GRM7: variants seen among roughly 807,000 people sequenced by gnomAD.
GRM7 encodes the protein glutamate metabotropic receptor 7, also known as metabotropic glutamate receptor 7.
GRM7 carries 35 observed loss-of-function variants against 84.5 expected under a neutral mutation model. That is an observed-to-expected ratio of 0.41 (90% CI 0.32 to 0.55). The LOEUF is 0.55. Among genes scored for constraint, GRM7 ranks in the 20% least tolerant of loss-of-function variants. The pLI, the probability that GRM7 is intolerant of heterozygous loss-of-function variation, is 0.19. For synonymous variants in GRM7, 487 were observed against 455.1 expected, an observed-to-expected ratio of 1.07 and a Z score of -0.89; for missense variants, 1,003 against 1,194.6, an observed-to-expected ratio of 0.84 and a Z score of 2.36.
chr3:7,504,499 A>G (rs113753802), intron 7 of GRM7, among the ~76,000 whole-genome samples: 1 of 152,348 alleles, frequency 6.6e-6, no homozygotes, highest in African/African-American at 2.4e-5. Flanking sequence ...AAAGAAGTTT[A>G]TTTAGCTCAC....
chr3:6,890,832 T>A (rs1466415257), intron 1 of GRM7, among the ~76,000 whole-genome samples: 1 of 152,094 alleles, frequency 6.6e-6, no homozygotes, highest in Non-Finnish European at 1.5e-5. Flanking sequence ...GACAGTGGGG[T>A]GTTAAAGTCT....
intron 1 of GRM7, among the ~76,000 whole-genome samples, chr3:6,963,108 A>C (rs1693365026): frequency 1.3e-5 from 2 of 152,256 alleles, no homozygotes; most frequent in Admixed American, 1.3e-4. Flanking sequence ...GGTAACCCTT[A>C]TTTTCTTTGG....
At chr3:6,956,732 C>G in intron 1 of GRM7, 2 of 441,180 alleles carry the variant, frequency 4.5e-6, no homozygotes, top group Non-Finnish European at 9.1e-6. Context: ...ATTGAGTGTT[C>G]CGTTGTAGAA....
At chr3:7,240,831 A>G (rs1376011728) in intron 2 of GRM7, among the ~76,000 whole-genome samples, 2 of 152,208 alleles carry the variant, frequency 1.3e-5, no homozygotes, top group Admixed American at 1.3e-4. Context: ...TGATGGTCCC[A>G]TAAGATTATA....
chr3:7,302,838 A>G (rs1411279126), intron 3 of GRM7, among the ~76,000 whole-genome samples: 1 of 151,836 alleles, frequency 6.6e-6, no homozygotes, highest in Admixed American at 6.6e-5. Context: ...AACTCCAGTA[A>G]TGAACAGACA....
At chr3:7,591,343 A>C (rs1186902918) in intron 8 of GRM7, 2 of 249,792 alleles carry the variant, frequency 8.0e-6, no homozygotes, top group East Asian at 1.2e-4. Context: ...TTCAGTCTTC[A>C]GAACAGTAAA....
At chr3:7,302,590 T>C (rs1700040202) in intron 3 of GRM7, among the ~76,000 whole-genome samples, 1 of 152,194 alleles carries the variant, frequency 6.6e-6, no homozygotes, top group African/African-American at 2.4e-5. Context: ...TATGATTCTA[T>C]GCTTTTAACT....
At chr3:7,466,916 A>G (rs543276873) in intron 7 of GRM7, among the ~76,000 whole-genome samples, 3 of 152,334 alleles carry the variant, frequency 2.0e-5, no homozygotes, top group East Asian at 1.9e-4. Context: ...GGTAGAATCC[A>G]TGTTTTAGTC....
At chr3:7,615,419 G>C (rs530482206) in intron 8 of GRM7, among the ~76,000 whole-genome samples, 1 of 151,652 alleles carries the variant, frequency 6.6e-6, no homozygotes, top group African/African-American at 2.4e-5. Flanking sequence ...TTCTCTTGAA[G>C]TCTGTTTACT....
intron 1 of GRM7, among the ~76,000 whole-genome samples, chr3:7,095,803 T>G (rs896531594): frequency 1.1e-4 from 16 of 152,254 alleles, no homozygotes; most frequent in African/African-American, 3.4e-4. Context: ...TCACCAACTC[T>G]TATTTTGAAT....
intron 4 of GRM7, among the ~76,000 whole-genome samples, chr3:7,371,657 C>T (rs903013954): frequency 2.6e-5 from 4 of 152,154 alleles, no homozygotes; most frequent in African/African-American, 9.7e-5. Flanking sequence ...TTTGCTCAGT[C>T]TCTTTTCTGT....
At chr3:7,661,804 A>AAAAAAT (rs1699463199) in intron 8 of GRM7, among the ~76,000 whole-genome samples, 1 of 145,362 alleles carries the variant, frequency 6.9e-6, no homozygotes, top group African/African-American at 2.5e-5. Context: ...CAAAAAAAAA[A>AAAAAAT]AAAAAAAAAA....
intron 2 of GRM7, among the ~76,000 whole-genome samples, chr3:7,252,959 G>C (rs1232933515): frequency 1.3e-5 from 2 of 148,408 alleles, no homozygotes; most frequent in Non-Finnish European, 3.0e-5. Flanking sequence ...CAAAGTGCTG[G>C]GATTACAGAC....
intron 8 of GRM7, among the ~76,000 whole-genome samples, chr3:7,626,602 T>C (rs927833713): frequency 6.6e-6 from 1 of 152,176 alleles, no homozygotes; most frequent in Non-Finnish European, 1.5e-5. Flanking sequence ...GCTTGGTGTT[T>C]CTTATGAAAA....
chr3:7,264,528 G>A (rs1344080874), intron 2 of GRM7, among the ~76,000 whole-genome samples: 1 of 127,428 alleles, frequency 7.8e-6, no homozygotes, highest in East Asian at 2.3e-4. Context: ...CCAGGAATAA[G>A]TCCCCATACA....
chr3:7,048,478 G>C (rs1574834140), intron 1 of GRM7, among the ~76,000 whole-genome samples: 1 of 151,166 alleles, frequency 6.6e-6, no homozygotes, highest in East Asian at 1.9e-4. Flanking sequence ...GAAAATGTAG[G>C]TTGTCATGTT....
chr3:7,154,382 AATAG>A (rs1288822860), intron 2 of GRM7, among the ~76,000 whole-genome samples: 1 of 152,202 alleles, frequency 6.6e-6, no homozygotes, highest in African/African-American at 2.4e-5. Flanking sequence ...TGGGACTAGA[AATAG>A]ATAGTGACAA....
chr3:7,516,107 G>A lies in GRM7; in HGVS notation c.1515+54385G>A, dbSNP rs537777744. On this transcript the variant is annotated intron_variant, in intron 7 of 9. Transcript: ENST00000357716. ...TTGAGGCTGGAAGGTAGAGCCCGCA[G>A]TGAGTGTGATCACACCACTGCACTC... is the stretch of plus-strand genomic sequence containing the variant. Among the ~76,000 whole-genome samples the A allele has an allele frequency of 1.6e-4, 23 of 145,070 alleles. No homozygotes were observed. In the South Asian group the frequency reaches 4.8e-3, roughly 31 times the overall value.
At chr3:7,226,811 C>T (rs377103603) in intron 2 of GRM7, among the ~76,000 whole-genome samples, 8 of 152,112 alleles carry the variant, frequency 5.3e-5, no homozygotes, top group Non-Finnish European at 7.4e-5. Context: ...ACTCCATAGT[C>T]GGCTCCTGGG....
Sources: gnomAD v4.1 joint callset for allele counts (sites outside exome capture counted in the v4.1 genomes callset) on GRCh38, gnomAD v4.1.1 for gene constraint, MANE v1.5 for transcripts, NCBI Gene and HGNC (gene_info 2026-07-23, HGNC 2026-07-21) for gene names.